The following DPP6 variants were observed in gnomAD, a reference collection of about 807,000 sequenced individuals.
The protein encoded by DPP6 is dipeptidyl peptidase like 6, also known as A-type potassium channel modulatory protein DPP6.
A neutral mutation model predicts 122.6 loss-of-function variants in DPP6; 69 were observed. That is an observed-to-expected ratio of 0.56 (90% CI 0.46 to 0.69). The LOEUF is 0.69. DPP6 is among the 30% of genes least tolerant of loss of function. DPP6 has a pLI of 0.00. For missense variants in DPP6, 928 were observed against 1,116.9 expected (o/e 0.83, Z 2.41); for synonymous variants, 418 against 433.1 (o/e 0.97, Z 0.43).
chr7:154,467,346 T>C (rs1428542133), intron 2 of DPP6, among the ~76,000 whole-genome samples: 1 of 152,202 alleles, frequency 6.6e-6, no homozygotes, highest in Non-Finnish European at 1.5e-5. Flanking sequence ...AATGAGAGGC[T>C]GGTGGGAGGT....
intron 1 of DPP6, among the ~76,000 whole-genome samples, chr7:154,274,111 G>A (rs1017612585): frequency 1.6e-4 from 24 of 152,264 alleles, no homozygotes; most frequent in African/African-American, 5.5e-4. Context: ...TGATTTAGAG[G>A]AGTCCTGAGA....
At chr7:153,974,309 A>G (rs1201375067) in intron 1 of DPP6, among the ~76,000 whole-genome samples, 1 of 152,190 alleles carries the variant, frequency 6.6e-6, no homozygotes, top group East Asian at 1.9e-4. Flanking sequence ...CTTGCTCTGC[A>G]GTGGCAACTC....
At chr7:154,792,828 G>A (rs1797768572) in intron 10 of DPP6, among the ~76,000 whole-genome samples, 1 of 152,186 alleles carries the variant, frequency 6.6e-6, no homozygotes, top group African/African-American at 2.4e-5. Context: ...CAGTCCTCAG[G>A]AACTCCCCAT....
intron 7 of DPP6, among the ~76,000 whole-genome samples, chr7:154,686,101 CA>C (rs1463384975): frequency 1.3e-4 from 1 of 7,634 alleles, no homozygotes; most frequent in Non-Finnish European, 7.5e-3. Context: ...GCTAGGCACT[CA>C]GTGTATTACT....
chr7:154,865,719 G>A (rs1209845663), intron 17 of DPP6, among the ~76,000 whole-genome samples: 1 of 152,170 alleles, frequency 6.6e-6, no homozygotes, highest in East Asian at 1.9e-4. Context: ...TACCGTTCAA[G>A]AGATCTGAGC....
At chr7:154,077,671 T>G (rs754461735) in intron 1 of DPP6, among the ~76,000 whole-genome samples, 34 of 140,488 alleles carry the variant, frequency 2.4e-4, no homozygotes, top group Non-Finnish European at 4.4e-4. Context: ...TTTATTATTA[T>G]TATTATTTTT....
chr7:154,874,690 G>A (rs537285191), intron 19 of DPP6, among the ~76,000 whole-genome samples: 7 of 152,340 alleles, frequency 4.6e-5, no homozygotes, highest in Admixed American at 2.6e-4. Flanking sequence ...GCCCGTGGTC[G>A]AAGCAGTCAC....
chr7:154,066,043 GTTT>G (rs1272775473), intron 1 of DPP6, among the ~76,000 whole-genome samples: 1 of 119,614 alleles, frequency 8.4e-6, no homozygotes. Context: ...GTTCAGATTT[GTTT>G]TTTTTTTTTT....
chr7:154,026,431 G>A (rs1798958293), intron 1 of DPP6: 1 of 152,104 alleles, frequency 6.6e-6, no homozygotes, highest in Non-Finnish European at 1.5e-5. Flanking sequence ...GAATCATCAA[G>A]CTTTAGAGTA....
intron 1 of DPP6, among the ~76,000 whole-genome samples, chr7:153,984,317 C>T (rs955372957): frequency 6.6e-6 from 1 of 152,162 alleles, no homozygotes; most frequent in Non-Finnish European, 1.5e-5. Context: ...ACCTTTATTG[C>T]AAACACCTCC....
At chr7:153,769,161 A>G in the DPP6 span, among the ~76,000 whole-genome samples, 1 of 152,194 alleles carries the variant, frequency 6.6e-6, no homozygotes, top group Non-Finnish European at 1.5e-5. Context: ...TGTAATTATG[A>G]GTTTTTGCTG....
chr7:154,267,541 TC>T (rs1356389928), intron 1 of DPP6, among the ~76,000 whole-genome samples: 2 of 151,106 alleles, frequency 1.3e-5, no homozygotes, highest in Non-Finnish European at 3.0e-5. Flanking sequence ...TACATATTTA[TC>T]CCTTATAAAC....
chr7:153,867,637 T>G, the DPP6 span, among the ~76,000 whole-genome samples: 1 of 152,240 alleles, frequency 6.6e-6, no homozygotes, highest in Non-Finnish European at 1.5e-5. Context: ...TTGAATACCC[T>G]TTATTTCCTT....
chr7:154,779,265 CTAT>C (rs1417185849), intron 10 of DPP6, among the ~76,000 whole-genome samples: 7 of 88,502 alleles, frequency 7.9e-5, no homozygotes, highest in Non-Finnish European at 1.1e-4. Context: ...GCCACCACCC[CTAT>C]CACCACCTCC....
At chr7:154,621,978 G>A (rs1284861265) in intron 5 of DPP6, among the ~76,000 whole-genome samples, 1 of 152,192 alleles carries the variant, frequency 6.6e-6, no homozygotes, top group Non-Finnish European at 1.5e-5. Flanking sequence ...CCTTCTTAAT[G>A]ATGTGCTTAA....
chr7:153,844,733 T>C, the DPP6 span, among the ~76,000 whole-genome samples: 1,002 of 152,366 alleles, frequency 6.6e-3, 10 homozygotes, highest in African/African-American at 0.022. Context: ...CTTTCTATAA[T>C]CTGTAGTTGG....
chr7:153,933,899 G>T (rs1232443230), intron 1 of DPP6, among the ~76,000 whole-genome samples: 1 of 152,200 alleles, frequency 6.6e-6, no homozygotes, highest in Non-Finnish European at 1.5e-5. Context: ...GGCCCCCAAT[G>T]TGTTTTTATA....
At chr7:154,889,436 T>C (rs1196083813) in intron 24 of DPP6, 21 bp from the exon 25 acceptor site, 1 of 847,986 alleles carries the variant, frequency 1.2e-6, no homozygotes, top group Admixed American at 2.9e-5. Context: ...TCCTCTCTTT[T>C]TTTTTTTTTT....
Position 154,837,950 on chromosome 7 carries a change from CT to C in DPP6, c.1667-15828del, listed in dbSNP as rs1304708895. ...ATTTCAAAGCAAAGAAAATAAGACT[CT>C]TATATTCACATTCCCCCAAGCGATC... is the stretch of plus-strand genomic sequence containing the variant. On this transcript the variant is annotated intron_variant, in intron 16 of 25. Coordinates refer to ENST00000377770, the MANE Select transcript of DPP6 (RefSeq NM_130797.4). Among the ~76,000 whole-genome samples the C allele has an allele frequency of 2.0e-5, 3 of 152,232 alleles. No individual in the cohort carries two copies. In the East Asian group the frequency reaches 5.8e-4, roughly 29 times the overall value.
Sources: gnomAD v4.1 joint callset for allele counts (sites outside exome capture counted in the v4.1 genomes callset) on GRCh38, gnomAD v4.1.1 for gene constraint, MANE v1.5 for transcripts, NCBI Gene and HGNC (gene_info 2026-07-23, HGNC 2026-07-21) for gene names.